The following ADAMTSL1 variants were observed in gnomAD, a reference collection of about 807,000 sequenced individuals.
The protein encoded by ADAMTSL1 is ADAMTS like 1.
ADAMTSL1 carries 126 observed loss-of-function variants against 201.8 expected under a neutral mutation model. That is an observed-to-expected ratio of 0.62 (90% CI 0.54 to 0.72). The LOEUF is 0.72. Ranked by LOEUF, ADAMTSL1 falls within the 30% of genes least tolerant of loss-of-function variation. The pLI is 0.00. For synonymous variants in ADAMTSL1, 1,121 were observed against 903.4 expected (o/e 1.24, Z -4.32); for missense variants, 2,679 against 2,277.8 (o/e 1.18, Z -3.59).
At chr9:18,650,126 C>G (rs116160267) in intron 7 of ADAMTSL1, among the ~76,000 whole-genome samples, 3 of 152,340 alleles carry the variant, frequency 2.0e-5, no homozygotes, top group Admixed American at 2.0e-4. Flanking sequence ...TCGCTGCCGC[C>G]TTGCAGTTTG....
rs556815314 is a variant in ADAMTSL1 at position 18,622,576 on chromosome 9, T to A, written c.601+207T>A. Reference sequence around the variant, plus strand: ...GCTGCAGTCCCAAAGAGGAAGCCTGTCCTTCTGAGGCACATCAGGAGTGAA... The same window carrying A: ...GCTGCAGTCCCAAAGAGGAAGCCTGACCTTCTGAGGCACATCAGGAGTGAA... On this transcript the variant is annotated intron_variant, in intron 5 of 28. Transcript: ENST00000380548. 3 of 673,280 alleles carry A rather than the reference T, an allele frequency of 4.5e-6. No individual in the cohort carries two copies. The South Asian group carries it at 5.8e-5, about 13-fold the overall frequency. 41.7% of individuals were successfully genotyped at this position (673,280 alleles called of 1,614,324 possible). A position where few individuals can be genotyped will look rare whatever the true frequency, so the allele number is the denominator to read the frequency against.
intron 1 of ADAMTSL1, among the ~76,000 whole-genome samples, chr9:17,980,999 G>A (rs1043477726): frequency 6.6e-6 from 1 of 152,152 alleles, no homozygotes; most frequent in African/African-American, 2.4e-5. Context: ...AATTAGTGGA[G>A]GGAGAACTCA....
intron 23 of ADAMTSL1, among the ~76,000 whole-genome samples, chr9:18,859,894 T>A (rs1827102413): frequency 6.6e-6 from 1 of 152,188 alleles, no homozygotes; most frequent in Non-Finnish European, 1.5e-5. Flanking sequence ...CATGGATGAA[T>A]GAATTACATA....
rs781240911 is a variant in ADAMTSL1 at position 18,707,046 on chromosome 9, G to T, written c.1874G>T (p.Gly625Val). ...GFTKCSESCG[G>V]GVQEAVVSCL... ...ACCAAGTGCTCCGAGTCCTGTGGAG[G>T]AGGTAAGAAAGGGGGCTCTGGCTCA... The change falls in exon 14 of 29, where the codon GGA becomes GTA. Residue 625 changes from glycine to valine, a missense_variant and splice_region_variant. Physicochemically the swap from Gly to Val is moderately radical, Grantham distance 109 (BLOSUM62 -3). Transcript: ENST00000380548. 6.2e-7 allele frequency: 1 copy of T among 1,611,450 alleles called. No individual in the cohort carries two copies. The highest frequency in any genetic ancestry group is 1.3e-5 in the African/African-American group (1 of 74,864).
intron 1 of ADAMTSL1, among the ~76,000 whole-genome samples, chr9:18,160,331 C>T (rs1587189533): frequency 6.6e-6 from 1 of 152,016 alleles, no homozygotes; most frequent in African/African-American, 2.4e-5. Flanking sequence ...AGAAGGTGTT[C>T]CTTACCCTAT....
chr9:18,739,596 T>G (rs949831733), intron 15 of ADAMTSL1, among the ~76,000 whole-genome samples: 6 of 152,108 alleles, frequency 3.9e-5, no homozygotes, highest in Non-Finnish European at 7.4e-5. Context: ...CATCAAAGAG[T>G]AAAACATGCA....
At chr9:18,146,182 T>C (rs943181042) in intron 1 of ADAMTSL1, among the ~76,000 whole-genome samples, 5 of 152,136 alleles carry the variant, frequency 3.3e-5, no homozygotes, top group Non-Finnish European at 7.4e-5. Flanking sequence ...CTTAGAAAGC[T>C]CAAAATAGTC....
intron 2 of ADAMTSL1, among the ~76,000 whole-genome samples, chr9:18,219,409 C>G (rs1830173530): frequency 6.6e-6 from 1 of 151,674 alleles, no homozygotes; most frequent in African/African-American, 2.4e-5. Context: ...TGCTCTGTCG[C>G]CCAGGCTGAA....
At chr9:18,243,305 A>G (rs1831137354) in intron 2 of ADAMTSL1, among the ~76,000 whole-genome samples, 1 of 152,064 alleles carries the variant, frequency 6.6e-6, no homozygotes, top group South Asian at 2.1e-4. Context: ...CTTCCAAAAT[A>G]TTACTCCTTC....
chr9:18,830,125 G>A (rs1218170446), intron 23 of ADAMTSL1, 148 bp downstream of exon 23: 9 of 1,141,390 alleles, frequency 7.9e-6, no homozygotes, highest in Non-Finnish European at 1.1e-5. Flanking sequence ...AGACTCACCA[G>A]TGGAAACTTG....
intron 1 of ADAMTSL1, among the ~76,000 whole-genome samples, chr9:18,014,344 G>T (rs1311411699): frequency 6.6e-6 from 1 of 151,984 alleles, no homozygotes; most frequent in African/African-American, 2.4e-5. Flanking sequence ...TAGTCACATC[G>T]AAGCATAACT....
At chr9:17,945,426 G>A (rs1827419916) in intron 1 of ADAMTSL1, among the ~76,000 whole-genome samples, 1 of 144,002 alleles carries the variant, frequency 6.9e-6, no homozygotes, top group South Asian at 2.4e-4. Flanking sequence ...CAGGGATCTA[G>A]AACTAGAAAT....
chr9:18,604,516 T>A (rs1486302759), intron 4 of ADAMTSL1, among the ~76,000 whole-genome samples: 1 of 152,208 alleles, frequency 6.6e-6, no homozygotes, highest in Non-Finnish European at 1.5e-5. Context: ...CATATAATAT[T>A]TGTCCTTTTT....
intron 15 of ADAMTSL1, among the ~76,000 whole-genome samples, chr9:18,736,288 G>A (rs1818496990): frequency 1.3e-5 from 2 of 152,240 alleles, no homozygotes; most frequent in South Asian, 4.2e-4. Context: ...GCAAGTGAGG[G>A]GAGACAAGTG....
In ADAMTSL1 at chr9:18,036,854, A is replaced by T. The variant is rs187959019; in HGVS notation, c.88-127008A>T. On this transcript the variant is annotated intron_variant, in intron 1 of 29. Transcript: ENST00000680146. ...TCTCCCTTTCATCATCTCTTCTTTT[A>T]GAGTTTCCTTATGGACACAGTAGTG... Among the ~76,000 whole-genome samples, 185 of 152,260 alleles carry T rather than the reference A, an allele frequency of 1.2e-3. 2 individuals carry two copies. Among genetic ancestry groups the T allele is most frequent in the African/African-American group, 4.4e-3 (184 of 41,556 alleles).
rs142457775 is a variant in ADAMTSL1, at chr9:18,299,475, A to G, written c.207+135494A>G. 1.7e-4 allele frequency among the ~76,000 whole-genome samples: 26 copies of G among 152,324 alleles called. No individual in the cohort carries two copies. In the East Asian group the frequency reaches 4.8e-3, roughly 28 times the overall value. On this transcript the variant is annotated intron_variant, in intron 2 of 29. Coordinates refer to the ADAMTSL1 transcript ENST00000680146. ...GATAAAGGCATTAGCAATCTTTATT[A>G]TTGCTTAGAACAGAGCTCAGGAAGT...
At chr9:18,495,107 A>G (rs1822467707) in intron 1 of ADAMTSL1, among the ~76,000 whole-genome samples, 1 of 152,218 alleles carries the variant, frequency 6.6e-6, no homozygotes, top group Non-Finnish European at 1.5e-5. Flanking sequence ...AATGGAATTG[A>G]TAAGACTTGA....
At chr9:18,152,637 G>A (rs1467724262) in intron 1 of ADAMTSL1, among the ~76,000 whole-genome samples, 1 of 151,918 alleles carries the variant, frequency 6.6e-6, no homozygotes, top group African/African-American at 2.4e-5. Context: ...AGAAAACAAG[G>A]GGGAGAGATT....
intron 2 of ADAMTSL1, among the ~76,000 whole-genome samples, chr9:18,350,514 C>CTT (rs5896783): frequency 2.6e-4 from 39 of 151,476 alleles, no homozygotes; most frequent in African/African-American, 7.8e-4. Flanking sequence ...AAGGAGAAAA[C>CTT]TTTTTTTTTC....
Sources: allele counts gnomAD v4.1 joint callset (sites outside exome capture counted in the v4.1 genomes callset), GRCh38; gene constraint gnomAD v4.1.1; transcripts MANE v1.5; gene names NCBI Gene and HGNC (gene_info 2026-07-23, HGNC 2026-07-21).